The following SRPK2 variants were observed in gnomAD, a reference collection of about 807,000 sequenced individuals.
The protein encoded by SRPK2 is SRSF protein kinase 2, also known as SFRS protein kinase 2.
A neutral mutation model predicts 90.8 loss-of-function variants in SRPK2; 21 were observed. The ratio of observed to expected loss-of-function variants is 0.23; its 90% CI spans 0.16 to 0.33. The LOEUF (loss-of-function observed/expected upper bound fraction) is 0.33, where lower values mean the gene tolerates loss of function less well. SRPK2 is among the 10% of genes least tolerant of loss of function. The pLI is 1.00. For missense variants in SRPK2, 620 were observed against 869.0 expected, an observed-to-expected ratio of 0.71 and a Z score of 3.60; for synonymous variants, 288 against 311.1, an observed-to-expected ratio of 0.93 and a Z score of 0.78.
intron 2 of SRPK2, among the ~76,000 whole-genome samples, chr7:105,240,131 C>A (rs1211347867): frequency 6.6e-6 from 1 of 152,070 alleles, no homozygotes; most frequent in East Asian, 1.9e-4. Flanking sequence ...ATCAATGTGC[C>A]GACAGACTGA....
At chr7:105,144,516 C>T (rs1020914337) in intron 9 of SRPK2, among the ~76,000 whole-genome samples, 2 of 152,046 alleles carry the variant, frequency 1.3e-5, no homozygotes, top group Non-Finnish European at 2.9e-5. Flanking sequence ...GCAGGGATTA[C>T]AGGCGTGAGT....
Position 105,204,796 on chromosome 7 carries a change from C to T in SRPK2, c.72-1011G>A, listed in dbSNP as rs557031227. ...TCCTCACACCATGCACCTGCTGTCA[C>T]CCAGCATGCGCCCTATTTTAAGGGT... is the stretch of plus-strand genomic sequence containing the variant. On this transcript the variant is annotated intron_variant, in intron 2 of 15. Coordinates refer to ENST00000393651, the MANE Select transcript of SRPK2 (RefSeq NM_182692.3). 2.5e-5 allele frequency: 13 copies of T among 524,088 alleles called. No homozygotes were observed. In the East Asian group the frequency reaches 7.2e-4, roughly 29 times the overall value. The allele number at this position is 524,088 out of a possible 1,614,324, so 32.5% of individuals were successfully genotyped here.
intron 2 of SRPK2, among the ~76,000 whole-genome samples, chr7:105,358,096 T>C (rs950263791): frequency 2.2e-4 from 33 of 151,742 alleles, no homozygotes; most frequent in Middle Eastern, 3.4e-3. Flanking sequence ...TGCTGGCATG[T>C]TCCTGGAGTC....
At chr7:105,249,082 A>G (rs752637981) in intron 2 of SRPK2, among the ~76,000 whole-genome samples, 7 of 152,210 alleles carry the variant, frequency 4.6e-5, no homozygotes, top group Non-Finnish European at 8.8e-5. Flanking sequence ...TGAGGCATAT[A>G]AATGGAAGTG....
chr7:105,388,599 C>T, intron 2 of SRPK2, 49 bp downstream of exon 2: 1 of 1,520,776 alleles, frequency 6.6e-7, no homozygotes, highest in Non-Finnish European at 8.9e-7. Flanking sequence ...CGCGGGCGCC[C>T]CCGACGGGGC....
At chr7:105,378,170 G>A (rs1003824375) in intron 2 of SRPK2, among the ~76,000 whole-genome samples, 2 of 151,950 alleles carry the variant, frequency 1.3e-5, no homozygotes, top group Admixed American at 6.6e-5. Context: ...GTGTTTCTTC[G>A]GCATGGAAGG....
At chr7:105,388,936 G>A (rs1403388889), upstream of SRPK2, 4 of 1,191,632 alleles carry the variant, frequency 3.4e-6, no homozygotes, top group African/African-American at 4.8e-5. Context: ...CGCCGCCGCC[G>A]CCGCCGCTCC....
At chr7:105,212,352 T>C (rs1796960894) in intron 2 of SRPK2, among the ~76,000 whole-genome samples, 1 of 152,074 alleles carries the variant, frequency 6.6e-6, no homozygotes, top group Non-Finnish European at 1.5e-5. Flanking sequence ...AACACACAAA[T>C]GTAAGCAACT....
intron 2 of SRPK2, among the ~76,000 whole-genome samples, chr7:105,235,217 A>C (rs1172059388): frequency 6.6e-6 from 1 of 152,254 alleles, no homozygotes; most frequent in Non-Finnish European, 1.5e-5. Flanking sequence ...ACTTGTAGGA[A>C]TAGAGATAAA....
intron 2 of SRPK2, among the ~76,000 whole-genome samples, chr7:105,364,151 T>G (rs768411102): frequency 3.3e-5 from 5 of 152,016 alleles, no homozygotes; most frequent in Non-Finnish European, 5.9e-5. Flanking sequence ...ACCTGCATGC[T>G]GTGCACATGT....
At chr7:105,139,998 C>A (rs1325803331) in intron 11 of SRPK2, among the ~76,000 whole-genome samples, 1 of 151,990 alleles carries the variant, frequency 6.6e-6, no homozygotes, top group African/African-American at 2.4e-5. Context: ...GTAGTGTTTG[C>A]ATATAACCTA....
chr7:105,228,287 C>T (rs1798973014), intron 2 of SRPK2, among the ~76,000 whole-genome samples: 1 of 152,132 alleles, frequency 6.6e-6, no homozygotes, highest in Non-Finnish European at 1.5e-5. Flanking sequence ...AGTACAGTGG[C>T]TGAATTTAGA....
chr7:105,166,358 A>G (rs901461718), intron 6 of SRPK2, among the ~76,000 whole-genome samples: 4 of 152,240 alleles, frequency 2.6e-5, no homozygotes, highest in Non-Finnish European at 5.9e-5. Context: ...AGTCTCCAAT[A>G]CCAACGATAT....
upstream of SRPK2, among the ~76,000 whole-genome samples, chr7:105,390,836 G>C (rs1822160744): frequency 6.6e-6 from 1 of 151,856 alleles, no homozygotes; most frequent in African/African-American, 2.4e-5. Context: ...AATGTTCCCT[G>C]TTTTGGATTT....
intron 3 of SRPK2, among the ~76,000 whole-genome samples, chr7:105,185,960 A>G (rs1419492169): frequency 1.3e-5 from 2 of 152,246 alleles, no homozygotes; most frequent in East Asian, 3.8e-4. Context: ...GTACCTACAT[A>G]ACTATAACTA....
intron 6 of SRPK2, among the ~76,000 whole-genome samples, chr7:105,162,149 C>T (rs1219939979): frequency 6.6e-6 from 1 of 152,176 alleles, no homozygotes; most frequent in African/African-American, 2.4e-5. Flanking sequence ...TCAAGCGATT[C>T]TCCTACCTCG....
intron 7 of SRPK2, among the ~76,000 whole-genome samples, chr7:105,149,043 G>A (rs947900565): frequency 5.3e-5 from 8 of 152,156 alleles, no homozygotes; most frequent in African/African-American, 1.4e-4. Flanking sequence ...ATATGGCCTC[G>A]TGGGATGAGA....
rs1445520995 is a variant in SRPK2 at position 105,127,081 on chromosome 7, C to T, written c.1753-19G>A. ...CAAATGCCTAGGATACAACAGACGACATGCTAAGCACTTCAGAGACTGGCC... is the reference window on the plus strand; with the variant it reads ...CAAATGCCTAGGATACAACAGACGATATGCTAAGCACTTCAGAGACTGGCC... On this transcript the variant is annotated intron_variant, in intron 13 of 15. Transcript: ENST00000393651. The T allele has an allele frequency of 1.2e-6, 2 of 1,613,766 alleles. No homozygotes were observed. The highest frequency in any genetic ancestry group is 4.5e-5 in the East Asian group (2 of 44,892).
intron 3 of SRPK2, among the ~76,000 whole-genome samples, chr7:105,196,917 G>A (rs1794984197): frequency 6.6e-6 from 1 of 152,094 alleles, no homozygotes; most frequent in Non-Finnish European, 1.5e-5. Context: ...GAGCATGGTG[G>A]TGCATGCCTG....
Sources: allele counts gnomAD v4.1 joint callset (sites outside exome capture counted in the v4.1 genomes callset), GRCh38; gene constraint gnomAD v4.1.1; transcripts MANE v1.5; gene names NCBI Gene and HGNC (gene_info 2026-07-23, HGNC 2026-07-21).